The following GSE1 variants were observed in gnomAD, a reference collection of about 807,000 sequenced individuals.
GSE1 encodes the protein genetic suppressor element 1.
GSE1 carries 32 observed loss-of-function variants against 112.6 expected under a neutral mutation model. The ratio of observed to expected loss-of-function variants is 0.28; its 90% CI spans 0.21 to 0.38. The LOEUF (loss-of-function observed/expected upper bound fraction) is 0.38. GSE1 is among the 10% of genes least tolerant of loss of function. The pLI is 1.00. For missense variants in GSE1, 2,348 were observed against 1,699.2 expected, an observed-to-expected ratio of 1.38 and a Z score of -6.71; for synonymous variants, 1,115 against 735.6, an observed-to-expected ratio of 1.52 and a Z score of -8.35.
chr16:85,215,007 C>T (rs1452681824), intron 1 of GSE1, among the ~76,000 whole-genome samples: 1 of 152,196 alleles, frequency 6.6e-6, no homozygotes, highest in Non-Finnish European at 1.5e-5. Flanking sequence ...AGGCGCAAGG[C>T]CCAGCTAGAG....
In GSE1 at chr16:85,443,400, C is replaced by A. The variant is rs572356718; in HGVS notation, c.2464+85757C>A. On this transcript the variant is annotated intron_variant, in intron 2 of 2. Coordinates refer to the GSE1 transcript ENST00000637419. The stretch of plus-strand genomic sequence containing the variant: ...TGACCTCGGGCCAGTGTCTTCACCT[C>A]CATGTGGCCACTTCTCCACCTGTAA... Among the ~76,000 whole-genome samples the A allele has an allele frequency of 1.1e-4, 17 of 152,358 alleles. 1 individual carries two copies. In the South Asian group the frequency reaches 3.5e-3, roughly 32 times the overall value.
chr16:85,260,319 CT>C (rs111292010), intron 1 of GSE1, among the ~76,000 whole-genome samples: 12,075 of 94,012 alleles, frequency 0.13, 359 homozygotes, highest in Non-Finnish European at 0.14. Context: ...TTTTTCTTTT[CT>C]TTTTTTTTTT....
chr16:85,423,044 G>A (rs1186984985), intron 2 of GSE1, among the ~76,000 whole-genome samples: 3 of 152,194 alleles, frequency 2.0e-5, no homozygotes, highest in Non-Finnish European at 4.4e-5. Context: ...TGCCCAAGGA[G>A]GCATTGAGGT....
chr16:85,637,864 C>T (rs2050132491), intron 2 of GSE1, among the ~76,000 whole-genome samples: 1 of 152,166 alleles, frequency 6.6e-6, no homozygotes. Context: ...CTGAGCTGGC[C>T]AGCTCAGCGG....
intron 2 of GSE1, among the ~76,000 whole-genome samples, chr16:85,523,225 C>T (rs1414988420): frequency 7.1e-6 from 1 of 140,304 alleles, no homozygotes; most frequent in Non-Finnish European, 1.5e-5. Flanking sequence ...GCTGTGTGTC[C>T]CCTGTGTGTT....
chr16:85,171,356 A>T (rs996161273), exon 1 of GSE1: 1 of 985,190 alleles, frequency 1.0e-6, no homozygotes, highest in Non-Finnish European at 1.2e-6. Flanking sequence ...CTCAACGTGA[A>T]CCCCGCCAGC....
At chr16:85,417,594 T>C (rs567321385) in intron 2 of GSE1, among the ~76,000 whole-genome samples, 1 of 152,354 alleles carries the variant, frequency 6.6e-6, no homozygotes, top group African/African-American at 2.4e-5. Context: ...TAGGTGGCTC[T>C]GTTGCCCCAT....
At position 85,372,215 on chromosome 16, in the gene GSE1, G is replaced by A. The variant is rs75092775; in HGVS notation, c.2464+14572G>A. 7.3e-3 allele frequency among the ~76,000 whole-genome samples: 1,112 copies of A among 152,260 alleles called. 14 individuals are homozygous for A. Among genetic ancestry groups the A allele is most frequent in the African/African-American group, 0.025 (1,024 of 41,546 alleles). ...ATTTCATTAAGAAGGAACCCCTGGC[G>A]GGCGCGGTGGCTTGTGCTTGTGAGA... is the stretch of plus-strand genomic sequence containing the variant. On this transcript the variant is annotated intron_variant, in intron 2 of 2. Coordinates refer to the GSE1 transcript ENST00000637419.
chr16:85,364,524 G>A (rs2047147765), intron 2 of GSE1, among the ~76,000 whole-genome samples: 1 of 152,236 alleles, frequency 6.6e-6, no homozygotes, highest in African/African-American at 2.4e-5. Context: ...CACCCCCGGT[G>A]CCGTAACAGA....
intron 2 of GSE1, among the ~76,000 whole-genome samples, chr16:85,401,276 C>T (rs1184449698): frequency 1.4e-5 from 2 of 144,482 alleles, no homozygotes; most frequent in African/African-American, 5.1e-5. Context: ...TAAAAAGATT[C>T]TACATTATTT....
chr16:85,316,136 T>A (rs1032043142), intron 1 of GSE1, among the ~76,000 whole-genome samples: 2 of 152,230 alleles, frequency 1.3e-5, no homozygotes, highest in Admixed American at 6.5e-5. Context: ...AGCCACGAGC[T>A]CCCTGAGTAA....
chr16:85,623,321 C>T (rs1027643525), intron 1 of GSE1, among the ~76,000 whole-genome samples: 1 of 151,760 alleles, frequency 6.6e-6, no homozygotes, highest in Non-Finnish European at 1.5e-5. Flanking sequence ...CTCAAGCGAT[C>T]CCCCACCTCG....
chr16:85,651,403 G>A (rs2051342629), intron 3 of GSE1, among the ~76,000 whole-genome samples: 1 of 151,988 alleles, frequency 6.6e-6, no homozygotes, highest in African/African-American at 2.4e-5. Flanking sequence ...CCTGCTGGCT[G>A]CCCCCCAGCC....
At position 85,671,021 on chromosome 16, in the gene GSE1, C is replaced by A. The variant is rs1262380414; in HGVS notation, c.3442C>A (p.Gln1148Lys). ...GCAAAATCTGGAGCGGCAGGTGTTA[C>A]AGACACAATGTAGACGACTGGAGGC... is the stretch of plus-strand genomic sequence containing the variant. ...EEQNLERQVLQTQCRRLEARH... is the reference protein window; with the variant it reads ...EEQNLERQVLKTQCRRLEARH... The change falls in exon 15 of 16, where the codon CAG becomes AAG. Residue 1148 changes from glutamine (Q) to lysine (K), a missense_variant. Gln to Lys is a moderately conservative substitution (Grantham distance 53). Transcript: ENST00000253458. The A allele has an allele frequency of 1.2e-6, 2 of 1,611,052 alleles. No individual in the cohort carries two copies. Among genetic ancestry groups the A allele is most frequent in the East Asian group, 4.5e-5 (2 of 44,824 alleles).
chr16:85,516,241 G>C (rs2051931483), intron 2 of GSE1, among the ~76,000 whole-genome samples: 1 of 152,116 alleles, frequency 6.6e-6, no homozygotes, highest in Non-Finnish European at 1.5e-5. Context: ...TCTGGTGCCA[G>C]CACCTGTGAT....
rs74737530 is a variant in GSE1 at position 85,633,973 on chromosome 16, A to C, written c.67A>C (p.Thr23Pro). 6.2e-7 allele frequency: 1 copy of C among 1,612,948 alleles called. No homozygotes were observed. The highest frequency in any genetic ancestry group is 1.3e-5 in the African/African-American group (1 of 74,976). Residue 23 changes from threonine to proline, a missense_variant, in exon 2 of 16, where the codon ACC becomes CCC. Coordinates refer to ENST00000253458, the MANE Select transcript of GSE1 (RefSeq NM_014615.5). ...LGMLSTATRT[T>P]ATVNPLTPSP... is the part of the protein sequence containing the mutation. ...GATGCTTTCCACCGCGACCAGGACCACCGCCACCGTCAACCCCCTCACCCC... is the reference window on the plus strand; with the variant it reads ...GATGCTTTCCACCGCGACCAGGACCCCCGCCACCGTCAACCCCCTCACCCC...
intron 2 of GSE1, among the ~76,000 whole-genome samples, chr16:85,391,320 T>G (rs976907854): frequency 6.6e-4 from 101 of 152,354 alleles, no homozygotes; most frequent in Admixed American, 7.8e-4. Context: ...TTGAGTAAAC[T>G]GAGGCACAGA....
intron 1 of GSE1, among the ~76,000 whole-genome samples, chr16:85,233,070 C>T (rs768829344): frequency 7.9e-5 from 12 of 152,220 alleles, no homozygotes; most frequent in African/African-American, 2.7e-4. Flanking sequence ...GGGCTGCTAG[C>T]CCCATGGCTC....
intron 1 of GSE1, among the ~76,000 whole-genome samples, chr16:85,355,803 T>G (rs2046938615): frequency 6.6e-6 from 1 of 152,146 alleles, no homozygotes; most frequent in Non-Finnish European, 1.5e-5. Context: ...GGCGGATCAC[T>G]TGAGGTCAGG....
Sources: allele counts gnomAD v4.1 joint callset (sites outside exome capture counted in the v4.1 genomes callset), GRCh38; gene constraint gnomAD v4.1.1; transcripts MANE v1.5; gene names NCBI Gene and HGNC (gene_info 2026-07-23, HGNC 2026-07-21).